The following IRAK2 variants were observed in gnomAD, a reference collection of about 807,000 sequenced individuals.
The protein encoded by IRAK2 is interleukin-1 receptor-associated kinase-like 2.
A neutral mutation model predicts 72.0 loss-of-function variants in IRAK2; 57 were observed. That is an observed-to-expected ratio of 0.79 (90% CI 0.64 to 0.99). The LOEUF (loss-of-function observed/expected upper bound fraction) is 0.99. Among genes scored for constraint, IRAK2 ranks in the 50% least tolerant of loss-of-function variants. The pLI, the probability that IRAK2 is intolerant of heterozygous loss-of-function variation, is 0.00. For missense variants in IRAK2, 790 were observed against 794.4 expected (o/e 0.99, Z 0.07); for synonymous variants, 293 against 312.7 (o/e 0.94, Z 0.67).
chr3:10,172,593 A>T (rs1288783324), intron 1 of IRAK2, among the ~76,000 whole-genome samples: 4 of 140,058 alleles, frequency 2.9e-5, no homozygotes, highest in East Asian at 2.3e-4. Context: ...TAATCCCAGC[A>T]CTTTGGGAGG....
At chr3:10,191,936 A>G (rs1275067135) in intron 2 of IRAK2, among the ~76,000 whole-genome samples, 1 of 152,156 alleles carries the variant, frequency 6.6e-6, no homozygotes, top group African/African-American at 2.4e-5. Context: ...GTGGAGTACA[A>G]GTTCAGTGGA....
chr3:10,236,912 G>A (rs1697968897), intron 11 of IRAK2, among the ~76,000 whole-genome samples: 2 of 152,228 alleles, frequency 1.3e-5, no homozygotes, highest in East Asian at 3.9e-4. Context: ...CAGTGCCACA[G>A]TATTGGGGAC....
intron 1 of IRAK2, among the ~76,000 whole-genome samples, chr3:10,166,897 G>C (rs1366435308): frequency 1.3e-5 from 2 of 152,168 alleles, no homozygotes; most frequent in African/African-American, 4.8e-5. Flanking sequence ...GGCCGCTTTG[G>C]CCTCCCAAAG....
chr3:10,183,676 G>A (rs956741375), intron 2 of IRAK2, among the ~76,000 whole-genome samples: 1 of 152,076 alleles, frequency 6.6e-6, no homozygotes. Flanking sequence ...AGCCAAGATG[G>A]CACCACTGCA....
chr3:10,222,177 T>C (rs923202717), intron 8 of IRAK2, among the ~76,000 whole-genome samples: 1 of 152,148 alleles, frequency 6.6e-6, no homozygotes. Context: ...CGTGAGCCAC[T>C]GTGCCCGGCC....
At chr3:10,235,977 G>T (rs1235074649) in intron 11 of IRAK2, among the ~76,000 whole-genome samples, 1 of 152,138 alleles carries the variant, frequency 6.6e-6, no homozygotes. Flanking sequence ...GTACACTGGG[G>T]CCAGGGGACA....
At chr3:10,234,783 C>A in intron 11 of IRAK2, 124 bp downstream of exon 11, 2 of 815,640 alleles carry the variant, frequency 2.5e-6, no homozygotes, top group Non-Finnish European at 3.9e-6. Context: ...GCCGCAGAAC[C>A]TCCTAGAGCT....
intron 6 of IRAK2, among the ~76,000 whole-genome samples, chr3:10,216,019 G>A (rs988771616): frequency 1.3e-5 from 2 of 152,182 alleles, no homozygotes; most frequent in Admixed American, 6.6e-5. Context: ...ATGCAAAAGC[G>A]AGTAATAGGA....
chr3:10,212,826 G>A (rs1193436700), intron 4 of IRAK2, among the ~76,000 whole-genome samples: 5 of 147,260 alleles, frequency 3.4e-5, no homozygotes, highest in African/African-American at 1.0e-4. Flanking sequence ...GTGCAGTGGC[G>A]CGATCTCGGC....
intron 1 of IRAK2, among the ~76,000 whole-genome samples, chr3:10,167,675 A>G (rs1696719067): frequency 6.6e-6 from 1 of 152,202 alleles, no homozygotes. Context: ...TCGGCTTCCC[A>G]AAGTGCTGGG....
chr3:10,214,973 A>T (rs908598639), intron 6 of IRAK2, among the ~76,000 whole-genome samples: 3 of 152,090 alleles, frequency 2.0e-5, no homozygotes, highest in African/African-American at 7.2e-5. Context: ...GTATGCCTGC[A>T]GTCCCAGCTA....
chr3:10,171,046 C>T (rs772633070), intron 1 of IRAK2, among the ~76,000 whole-genome samples: 11 of 152,242 alleles, frequency 7.2e-5, no homozygotes, highest in Non-Finnish European at 1.2e-4. Flanking sequence ...CAGACAGCCA[C>T]GCTCTTTCAG....
chr3:10,227,786 A>T (rs1277644343), intron 10 of IRAK2, among the ~76,000 whole-genome samples: 1 of 151,346 alleles, frequency 6.6e-6, no homozygotes, highest in African/African-American at 2.4e-5. Context: ...CTTCTGCCTC[A>T]GCCTCCCGAG....
In IRAK2 at chr3:10,213,328, G is replaced by C; in HGVS notation, c.650G>C (p.Ser217Thr). 6.2e-7 allele frequency: 1 copy of C among 1,614,150 alleles called. No individual in the cohort carries two copies. The highest frequency in any genetic ancestry group is 8.5e-7 in the Non-Finnish European group (1 of 1,180,038). The part of the protein sequence containing the change: ...TDDFNQNRKI[S>T]QGTFADVYRG... ...GACTTCAATCAAAACCGCAAAATCAGCCAGGGGACCTTTGCTGACGTCTAC... is the reference window on the plus strand; with the variant it reads ...GACTTCAATCAAAACCGCAAAATCACCCAGGGGACCTTTGCTGACGTCTAC... Residue 217 changes from serine to threonine, a missense_variant, in exon 5 of 13, where the codon AGC (serine) becomes ACC (threonine). Transcript: ENST00000256458.
intron 11 of IRAK2, among the ~76,000 whole-genome samples, chr3:10,235,779 G>A (rs11926277): frequency 0.43 from 65,418 of 152,026 alleles, 15,015 homozygotes; most frequent in Admixed American, 0.53. Flanking sequence ...GGCCACAGAC[G>A]AGAAGATGAG....
chr3:10,211,120 C>T lies in IRAK2; in HGVS notation c.528+1428C>T, dbSNP rs183713054. On this transcript the variant is annotated intron_variant, in intron 4 of 12. Transcript: ENST00000256458. Reference sequence around the variant, plus strand: ...TCATGTGATCCGCCCACCTCAGCATCCCAAAGTGCTGGGATTACAGGCATG... The same window carrying T: ...TCATGTGATCCGCCCACCTCAGCATTCCAAAGTGCTGGGATTACAGGCATG... Among the ~76,000 whole-genome samples the T allele has an allele frequency of 1.2e-3, 181 of 152,084 alleles. 1 individual carries two copies. Among genetic ancestry groups the T allele is most frequent in the African/African-American group, 4.2e-3 (175 of 41,472 alleles).
At chr3:10,198,996 G>A (rs1323648519) in intron 2 of IRAK2, among the ~76,000 whole-genome samples, 3 of 152,124 alleles carry the variant, frequency 2.0e-5, no homozygotes, top group Admixed American at 2.0e-4. Flanking sequence ...GGAGGCAATG[G>A]GGAGACAGAA....
intron 6 of IRAK2, among the ~76,000 whole-genome samples, chr3:10,216,280 C>T (rs1697604319): frequency 6.6e-6 from 1 of 152,104 alleles, no homozygotes; most frequent in South Asian, 2.1e-4. Context: ...GGTGAAGAAG[C>T]AGGTTTGGGA....
chr3:10,174,858 C>T (rs1696848210), intron 1 of IRAK2, among the ~76,000 whole-genome samples: 1 of 151,578 alleles, frequency 6.6e-6, no homozygotes, highest in African/African-American at 2.4e-5. Context: ...ATGCCTTTCT[C>T]ACTTCAGTAA....
Sources: allele counts gnomAD v4.1 joint callset (sites outside exome capture counted in the v4.1 genomes callset), GRCh38; gene constraint gnomAD v4.1.1; transcripts MANE v1.5; gene names NCBI Gene and HGNC (gene_info 2026-07-23, HGNC 2026-07-21).